Variants in GTSE1 observed in about 807,000 individuals in gnomAD.
GTSE1 encodes G2 and S phase-expressed protein 1.
A neutral mutation model predicts 60.5 loss-of-function variants in GTSE1; 52 were observed. The ratio of observed to expected loss-of-function variants is 0.86; its 90% CI spans 0.69 to 1.08. GTSE1 has a LOEUF of 1.08. GTSE1 is among the 50% of genes least tolerant of loss of function. The pLI is 0.00. For missense variants in GTSE1, 937 were observed against 961.8 expected (o/e 0.97, Z 0.34); for synonymous variants, 368 against 386.5 (o/e 0.95, Z 0.56).
At chr22:46,302,243 A>C (rs1371778436) in intron 2 of GTSE1, among the ~76,000 whole-genome samples, 1 of 152,092 alleles carries the variant, frequency 6.6e-6, no homozygotes, top group Non-Finnish European at 1.5e-5. Context: ...TACTTTATAG[A>C]TATGCTTCAT....
Position 46,330,452 on chromosome 22 carries a change from C to A in GTSE1, c.*322C>A. 4.7e-6 allele frequency: 1 copy of A among 211,862 alleles called. No individual in the cohort carries two copies. Among genetic ancestry groups the A allele is most frequent in the Non-Finnish European group, 9.4e-6 (1 of 106,930 alleles). 13.1% of individuals were successfully genotyped at this position (211,862 alleles called of 1,614,324 possible). On this transcript the variant is annotated 3_prime_UTR_variant, in exon 12 of 12. Transcript: ENST00000454366. The surrounding 1 kb of genome is among the most constrained non-coding windows in gnomAD (Gnocchi z 6.0). ...GGGCTGTGATTGTGCCACTGCACTC[C>A]AGCCTGGGCACCAATGTGAGAACCT...
chr22:46,309,706 G>A lies in GTSE1; in HGVS notation c.762+763G>A, dbSNP rs139404477. 3.9e-5 allele frequency among the ~76,000 whole-genome samples: 6 copies of A among 152,214 alleles called. No homozygotes were observed. The highest frequency in any genetic ancestry group is 1.4e-4 in the African/African-American group (6 of 41,448). On this transcript the variant is annotated intron_variant, in intron 4 of 11. Transcript: ENST00000454366. The surrounding 1 kb of genome is among the most constrained non-coding windows in gnomAD (Gnocchi z 6.2). Reference sequence around the variant, plus strand: ...AGCCACATGACTCCCTGTGGTGAGAGCCAAGGATGGAAGGCAGCCGAGGTG... The same window carrying A: ...AGCCACATGACTCCCTGTGGTGAGAACCAAGGATGGAAGGCAGCCGAGGTG...
intron 2 of GTSE1, among the ~76,000 whole-genome samples, chr22:46,305,762 C>G (rs969537670): frequency 6.6e-6 from 1 of 151,618 alleles, no homozygotes; most frequent in Non-Finnish European, 1.5e-5. Context: ...CGAAAATTAG[C>G]CCGGTGTGGT....
chr22:46,297,506 T>C lies in GTSE1; in HGVS notation c.79+27T>C. Reference sequence around the variant, plus strand: ...CAAGTCCTTGCTGCTGCGGCGCTGTTGTTGTTCAGGATGTTCAGTAGAGAT... The same window carrying C: ...CAAGTCCTTGCTGCTGCGGCGCTGTCGTTGTTCAGGATGTTCAGTAGAGAT... On this transcript the variant is annotated intron_variant, in intron 2 of 11. Coordinates refer to ENST00000454366, the MANE Select transcript of GTSE1 (RefSeq NM_016426.7). This position sits in a 1 kb window ranked among gnomAD's most constrained non-coding sequence, Gnocchi z 4.9. 1 of 1,524,374 alleles carries C rather than the reference T, an allele frequency of 6.6e-7. No individual in the cohort carries two copies. The highest frequency in any genetic ancestry group is 9.1e-7 in the Non-Finnish European group (1 of 1,099,440). The allele number at this position is 1,524,374 out of a possible 1,614,324, so 94.4% of individuals were successfully genotyped here.
chr22:46,329,482 C>G lies in GTSE1; in HGVS notation c.2051C>G (p.Ser684Cys). The change falls in exon 11 of 12, where the codon TCT becomes TGT. Residue 684 changes from serine (S) to cysteine (C), a missense_variant. Transcript: ENST00000454366. The surrounding 1 kb of genome is among the most constrained non-coding windows in gnomAD (Gnocchi z 6.4). ...DTPEAHVAVG[S>C]ESRPLIDLMT... is the part of the protein sequence containing the mutation. ...CCAGAAGCACACGTGGCTGTAGGAT[C>G]TGAAAGCAGGCCTCTGATCGACCTC... The G allele has an allele frequency of 6.2e-7, 1 of 1,614,184 alleles. No individual in the cohort carries two copies. Among genetic ancestry groups the G allele is most frequent in the Non-Finnish European group, 8.5e-7 (1 of 1,180,012 alleles).
rs1029418592 is a variant in GTSE1 at position 46,323,980 on chromosome 22, C to T, written c.1505+718C>T. Among the ~76,000 whole-genome samples the T allele has an allele frequency of 5.3e-5, 8 of 152,314 alleles. No individual in the cohort carries two copies. In the East Asian group the frequency reaches 7.7e-4, roughly 15 times the overall value. The stretch of plus-strand genomic sequence containing the variant: ...GTGCTGGGATTATAGGCGTGAGCCA[C>T]CGTGTCCGGCCTGACTTGGCTTTGA... On this transcript the variant is annotated intron_variant, in intron 8 of 11. Transcript: ENST00000454366.
rs968080192 is a variant in GTSE1 at position 46,314,177 on chromosome 22, C to G, written c.1051+164C>G. ...CAGGCTGTGGACTGAGTTGCTGTACCTGCCCTCAGTGCCTCTGTCCCATGA... is the reference window on the plus strand; with the variant it reads ...CAGGCTGTGGACTGAGTTGCTGTACGTGCCCTCAGTGCCTCTGTCCCATGA... On this transcript the variant is annotated intron_variant, in intron 6 of 11. Transcript: ENST00000454366. The surrounding 1 kb of genome is among the most constrained non-coding windows in gnomAD (Gnocchi z 7.1). Among the ~76,000 whole-genome samples, 1 of 152,214 alleles carries G rather than the reference C, an allele frequency of 6.6e-6. No homozygotes were observed. The highest frequency in any genetic ancestry group is 1.5e-5 in the Non-Finnish European group (1 of 68,044).
In GTSE1 at chr22:46,318,994, G is replaced by A. The variant is rs924635734; in HGVS notation, c.1432+2582G>A. Among the ~76,000 whole-genome samples the A allele has an allele frequency of 6.6e-6, 1 of 152,172 alleles. No homozygotes were observed. The highest frequency in any genetic ancestry group is 2.4e-5 in the African/African-American group (1 of 41,432). On this transcript the variant is annotated intron_variant, in intron 7 of 11. Transcript: ENST00000454366. This position sits in a 1 kb window ranked among gnomAD's most constrained non-coding sequence, Gnocchi z 4.8. The stretch of plus-strand genomic sequence containing the variant: ...GACCCTCACTGCAAGTTGTCCCTGT[G>A]ACTCCGTTTGTGTCCCATTGAGTAC...
intron 2 of GTSE1, among the ~76,000 whole-genome samples, chr22:46,306,513 C>T (rs2077716205): frequency 6.6e-6 from 1 of 151,674 alleles, no homozygotes; most frequent in Non-Finnish European, 1.5e-5. Flanking sequence ...CAGAGTCTTG[C>T]TGTGTCACCC....
In GTSE1 at chr22:46,316,262, G is replaced by A. The variant is rs767037549; in HGVS notation, c.1282G>A (p.Gly428Ser). ...CCAACCCCAGACTCCGGAAGGTGGC[G>A]GCCAGTGGCTGAACTCCAGTTGCGC... ...PTQPQTPEGG[G>S]QWLNSSCAWS... The change falls in exon 7 of 12, where the codon GGC becomes AGC. Residue 428 changes from glycine to serine, a missense_variant. Physicochemically the swap from Gly to Ser is moderately conservative, Grantham distance 56 (BLOSUM62 0). Transcript: ENST00000454366. This position sits in a 1 kb window ranked among gnomAD's most constrained non-coding sequence, Gnocchi z 5.0. The A allele has an allele frequency of 1.7e-5, 28 of 1,613,722 alleles. 1 individual carries two copies. Among genetic ancestry groups the A allele is most frequent in the South Asian group, 3.3e-5 (3 of 91,086 alleles).
Position 46,319,534 on chromosome 22 carries a change from G to A in GTSE1, c.1432+3122G>A, listed in dbSNP as rs2077800310. Among the ~76,000 whole-genome samples, 1 of 152,158 alleles carries A rather than the reference G, an allele frequency of 6.6e-6. No individual in the cohort carries two copies. Among genetic ancestry groups the A allele is most frequent in the South Asian group, 2.1e-4 (1 of 4,824 alleles). ...CTCATGTGACAGGAGGGCTGGAAGA[G>A]GCAGCGGGCAGAGTCCACGGCCCCA... On this transcript the variant is annotated intron_variant, in intron 7 of 11. Coordinates refer to ENST00000454366, the MANE Select transcript of GTSE1 (RefSeq NM_016426.7). This position sits in a 1 kb window ranked among gnomAD's most constrained non-coding sequence, Gnocchi z 5.0.
intron 8 of GTSE1, among the ~76,000 whole-genome samples, chr22:46,325,958 A>G (rs1275938631): frequency 2.0e-5 from 3 of 152,262 alleles, no homozygotes; most frequent in Non-Finnish European, 4.4e-5. Context: ...TTGTGTTCAC[A>G]TCTGATTCAG....
rs1487713892 is a variant in GTSE1, at chr22:46,326,791, TC to T, written c.1724+138del. 16 of 606,844 alleles carry T rather than the reference TC, an allele frequency of 2.6e-5. No homozygotes were observed. The East Asian group carries it at 4.7e-4, about 18-fold the overall frequency. The allele number at this position is 606,844 out of a possible 1,614,324, so 37.6% of individuals were successfully genotyped here. ...TTGGAAAGTTTGTTTGTTTTTTTTT[TC>T]ATTGCAAAGAGAAAATGCAATAGAC... On this transcript the variant is annotated intron_variant, in intron 9 of 11. Transcript: ENST00000454366.
At position 46,308,531 on chromosome 22, in the gene GTSE1, G is replaced by C; in HGVS notation, c.350G>C (p.Arg117Pro). 1 of 1,614,154 alleles carries C rather than the reference G, an allele frequency of 6.2e-7. No individual in the cohort carries two copies. The highest frequency in any genetic ancestry group is 8.5e-7 in the Non-Finnish European group (1 of 1,180,020). ...LLALHIESSS[R>P]NQAAQAAKPE... ...GCTTTACACATTGAGAGCAGCAGCC[G>C]GAACCAGGCAGCCCAAGCTGCCAAG... Residue 117 changes from arginine to proline, a missense_variant, in exon 4 of 12, where the codon CGG (arginine) becomes CCG (proline). Physicochemically the swap from Arg to Pro is moderately radical, Grantham distance 103 (BLOSUM62 -2). Transcript: ENST00000454366.
chr22:46,307,154 G>A (rs1171094825), intron 2 of GTSE1, among the ~76,000 whole-genome samples: 1 of 152,206 alleles, frequency 6.6e-6, no homozygotes, highest in Non-Finnish European at 1.5e-5. Context: ...CATGCCAGCT[G>A]TGATAGAATT....
rs769091640 is a variant in GTSE1, at chr22:46,330,167, A to G, written c.*37A>G. Reference sequence around the variant, plus strand: ...TCCTTTGCCTTGAAAGAACAGCCCTAAAGTGGTTTTCAACCCTCAGAAACA... The same window carrying G: ...TCCTTTGCCTTGAAAGAACAGCCCTGAAGTGGTTTTCAACCCTCAGAAACA... On this transcript the variant is annotated 3_prime_UTR_variant, in exon 12 of 12. Transcript: ENST00000454366. The surrounding 1 kb of genome is among the most constrained non-coding windows in gnomAD (Gnocchi z 6.0). The G allele has an allele frequency of 3.0e-6, 4 of 1,331,438 alleles. No homozygotes were observed. Among genetic ancestry groups the G allele is most frequent in the East Asian group, 2.3e-5 (1 of 43,552 alleles). 82.5% of individuals were successfully genotyped at this position (1,331,438 alleles called of 1,614,324 possible).
At position 46,313,027 on chromosome 22, in the gene GTSE1, G is replaced by A. The variant is rs1409065831; in HGVS notation, c.927+722G>A. Among the ~76,000 whole-genome samples the A allele has an allele frequency of 6.6e-6, 1 of 151,800 alleles. No homozygotes were observed. Among genetic ancestry groups the A allele is most frequent in the Non-Finnish European group, 1.5e-5 (1 of 67,970 alleles). On this transcript the variant is annotated intron_variant, in intron 5 of 11. Transcript: ENST00000454366. This position sits in a 1 kb window ranked among gnomAD's most constrained non-coding sequence, Gnocchi z 4.4. ...AAAAAATAAAAATCAGCCAGGCATGGTGGTGCATGCCTGTGGTCCCAGCTA... is the reference window on the plus strand; with the variant it reads ...AAAAAATAAAAATCAGCCAGGCATGATGGTGCATGCCTGTGGTCCCAGCTA...
rs2077781421 is a variant in GTSE1 at position 46,316,461 on chromosome 22, T to C, written c.1432+49T>C. 2.5e-6 allele frequency: 3 copies of C among 1,207,160 alleles called. No homozygotes were observed. The highest frequency in any genetic ancestry group is 1.5e-5 in the South Asian group (1 of 66,594). 74.8% of individuals were successfully genotyped at this position (1,207,160 alleles called of 1,614,324 possible). A position where few individuals can be genotyped will look rare whatever the true frequency, so the allele number is the denominator to read the frequency against. ...GTGTCTTTAAAAAATACTGAAGAAA[T>C]TGCATTTAAAGTTTTAAACAATTAT... On this transcript the variant is annotated intron_variant, in intron 7 of 11. Coordinates refer to ENST00000454366, the MANE Select transcript of GTSE1 (RefSeq NM_016426.7). This position sits in a 1 kb window ranked among gnomAD's most constrained non-coding sequence, Gnocchi z 5.0.
intron 5 of GTSE1, 69 bp downstream of exon 5, chr22:46,312,374 T>C: frequency 1.4e-6 from 2 of 1,466,144 alleles, no homozygotes; most frequent in Non-Finnish European, 9.2e-7. Context: ...GTACAAGTGC[T>C]TTGGATTAAA....
Sources: gnomAD v4.1 joint callset for allele counts (sites outside exome capture counted in the v4.1 genomes callset) on GRCh38, gnomAD v4.1.1 for gene constraint, Gnocchi (gnomAD v3.1) non-coding constraint, MANE v1.5 for transcripts, NCBI Gene and HGNC (gene_info 2026-07-23, HGNC 2026-07-21) for gene names.